FERRY3: variants seen among roughly 807,000 people sequenced by gnomAD.
FERRY3 encodes the protein protein C12orf4.
At chr12:4,505,657 T>G in the FERRY3 span, among the ~76,000 whole-genome samples, 1 of 152,204 alleles carries the variant, frequency 6.6e-6, no homozygotes, top group Non-Finnish European at 1.5e-5. Flanking sequence ...CATGCACAGA[T>G]AAGTAGTGGA....
the FERRY3 span, among the ~76,000 whole-genome samples, chr12:4,510,133 G>A: frequency 1.4e-5 from 2 of 139,188 alleles, no homozygotes; most frequent in African/African-American, 6.2e-5. Context: ...TCAACTGGAA[G>A]AAAGGGTATC....
the FERRY3 span, among the ~76,000 whole-genome samples, chr12:4,490,148 A>C: frequency 1.3e-5 from 2 of 152,170 alleles, no homozygotes; most frequent in Non-Finnish European, 2.9e-5. Flanking sequence ...CCTCTAGATA[A>C]CACTAGTGTA....
chr12:4,518,045 G>T, the FERRY3 span: 1 of 1,582,890 alleles, frequency 6.3e-7, no homozygotes, highest in South Asian at 1.1e-5. Flanking sequence ...AAATGTGTAT[G>T]ATGTTAACTT....
At chr12:4,518,762 T>C in the FERRY3 span, 4 of 1,440,658 alleles carry the variant, frequency 2.8e-6, no homozygotes, top group Admixed American at 1.9e-5. Context: ...GCAAAAAAAT[T>C]AACACACTTA....
chr12:4,500,218 G>A, the FERRY3 span: 20 of 1,613,662 alleles, frequency 1.2e-5, no homozygotes, highest in East Asian at 2.2e-5. Context: ...AGTATATTTC[G>A]GAGTCCCATA....
At chr12:4,537,627 G>A in the FERRY3 span, among the ~76,000 whole-genome samples, 22 of 152,088 alleles carry the variant, frequency 1.4e-4, 1 homozygote, top group Non-Finnish European at 2.9e-5. Context: ...GGGCTAAGTT[G>A]AATTATCCAG....
the FERRY3 span, among the ~76,000 whole-genome samples, chr12:4,535,528 G>A: frequency 1.7e-3 from 255 of 152,192 alleles, 1 homozygote; most frequent in African/African-American, 5.9e-3. This position sits in a 1 kb window ranked among gnomAD's most constrained non-coding sequence, Gnocchi z 4.0. Flanking sequence ...ATTTTTCCTA[G>A]ACTGTGAGAT....
the FERRY3 span, chr12:4,500,276 C>G: frequency 1.2e-6 from 2 of 1,613,982 alleles, no homozygotes; most frequent in Non-Finnish European, 1.7e-6. Context: ...CATGGTCATC[C>G]ACACAGAGAT....
the FERRY3 span, among the ~76,000 whole-genome samples, chr12:4,509,640 T>C: frequency 1.4e-5 from 2 of 143,550 alleles, no homozygotes; most frequent in African/African-American, 5.6e-5. Flanking sequence ...AGGGGTACAC[T>C]GACACCTCAC....
At chr12:4,518,862 C>G in the FERRY3 span, 1 of 1,580,616 alleles carries the variant, frequency 6.3e-7, no homozygotes, top group Non-Finnish European at 8.6e-7. Flanking sequence ...ACTGACTTGG[C>G]TGAACTTTAA....
At chr12:4,495,721 G>A in the FERRY3 span, among the ~76,000 whole-genome samples, 1 of 152,172 alleles carries the variant, frequency 6.6e-6, no homozygotes, top group Non-Finnish European at 1.5e-5. Context: ...TTGTCCAAAG[G>A]TCATCACGTT....
chr12:4,489,744 C>T, the FERRY3 span: 1 of 1,197,448 alleles, frequency 8.4e-7, no homozygotes, highest in Admixed American at 2.1e-5. Context: ...AGATTCCCAG[C>T]ATAGCACAAG....
chr12:4,489,284 A>G, the FERRY3 span: 1 of 152,824 alleles, frequency 6.5e-6, no homozygotes, highest in East Asian at 1.9e-4. Context: ...AAACAGGAGA[A>G]TTTAAAAGAA....
the FERRY3 span, among the ~76,000 whole-genome samples, chr12:4,523,557 C>T: frequency 6.6e-6 from 1 of 152,160 alleles, no homozygotes; most frequent in African/African-American, 2.4e-5. Flanking sequence ...TTGGAACCAA[C>T]CCAAATGTCC....
the FERRY3 span, among the ~76,000 whole-genome samples, chr12:4,506,188 T>C: frequency 2.0e-5 from 3 of 152,292 alleles, no homozygotes; most frequent in East Asian, 3.9e-4. Context: ...AACTGAATAT[T>C]AGCCTTCAAA....
At chr12:4,530,256 T>G in the FERRY3 span, among the ~76,000 whole-genome samples, 1 of 152,188 alleles carries the variant, frequency 6.6e-6, no homozygotes, top group East Asian at 1.9e-4. Flanking sequence ...ACAGACTAAG[T>G]TCTTAATATA....
the FERRY3 span, chr12:4,530,091 T>G: frequency 6.4e-7 from 1 of 1,551,950 alleles, no homozygotes; most frequent in Non-Finnish European, 8.7e-7. Context: ...CATGATCTAG[T>G]ATTTTTATTT....
At chr12:4,521,436 G>A in the FERRY3 span, among the ~76,000 whole-genome samples, 3 of 152,002 alleles carry the variant, frequency 2.0e-5, no homozygotes, top group Non-Finnish European at 2.9e-5. Flanking sequence ...ACCCACTGTC[G>A]AGATAAAGCA....
At chr12:4,525,013 G>T in the FERRY3 span, 1 of 371,258 alleles carries the variant, frequency 2.7e-6, no homozygotes, top group African/African-American at 2.1e-5. Context: ...TAAGTATTTA[G>T]GTGTATGTAT....
Sources: allele counts gnomAD v4.1 joint callset (sites outside exome capture counted in the v4.1 genomes callset), GRCh38; gene constraint gnomAD v4.1.1; non-coding constraint Gnocchi (gnomAD v3.1); transcripts MANE v1.5; gene names NCBI Gene and HGNC (gene_info 2026-07-23, HGNC 2026-07-21).